CSMD3: variants seen among roughly 807,000 people sequenced by gnomAD.
CSMD3 encodes the protein CUB and sushi domain-containing protein 3.
A neutral mutation model predicts 435.2 loss-of-function variants in CSMD3; 177 were observed. The observed-to-expected ratio is 0.41, with a 90% CI of 0.36 to 0.46. The LOEUF (loss-of-function observed/expected upper bound fraction) is 0.46. Among genes scored for constraint, CSMD3 ranks in the 20% least tolerant of loss-of-function variants. CSMD3 has a pLI of 0.34. For synonymous variants in CSMD3, 1,656 were observed against 1,520.5 expected (o/e 1.09, Z -2.07); for missense variants, 4,265 against 4,504.6 (o/e 0.95, Z 1.52).
intron 6 of CSMD3, among the ~76,000 whole-genome samples, chr8:112,984,164 T>G (rs1447877884): frequency 6.6e-6 from 1 of 151,866 alleles, no homozygotes; most frequent in Non-Finnish European, 1.5e-5. Context: ...ATATTATATA[T>G]GGGGTATTAC....
chr8:112,358,703 C>G (rs1053851461), intron 38 of CSMD3, among the ~76,000 whole-genome samples: 1 of 152,156 alleles, frequency 6.6e-6, no homozygotes, highest in African/African-American at 2.4e-5. Flanking sequence ...TGAGGCTTCA[C>G]CAGCCCTGTG....
chr8:112,310,272 T>C (rs1299359872), intron 50 of CSMD3: 1 of 152,298 alleles, frequency 6.6e-6, no homozygotes, highest in Non-Finnish European at 1.5e-5. Context: ...CAAGCTGGAG[T>C]GCAGTGTTGC....
At chr8:112,854,805 G>A (rs1209898936) in intron 11 of CSMD3, among the ~76,000 whole-genome samples, 1 of 152,010 alleles carries the variant, frequency 6.6e-6, no homozygotes, top group African/African-American at 2.4e-5. Flanking sequence ...TGAAGTCCTA[G>A]CAAAAACTTC....
intron 32 of CSMD3, among the ~76,000 whole-genome samples, chr8:112,470,442 A>T (rs759780007): frequency 7.2e-5 from 11 of 152,274 alleles, no homozygotes; most frequent in Non-Finnish European, 1.3e-4. Flanking sequence ...TTATAAAATA[A>T]CCACATAAGG....
intron 6 of CSMD3, among the ~76,000 whole-genome samples, chr8:112,987,564 A>T (rs2085299936): frequency 6.6e-6 from 1 of 152,142 alleles, no homozygotes; most frequent in African/African-American, 2.4e-5. Flanking sequence ...TTCAAAACAT[A>T]CACTGAGTCA....
chr8:112,981,080 G>T (rs1188813346), intron 6 of CSMD3, among the ~76,000 whole-genome samples: 1 of 151,358 alleles, frequency 6.6e-6, no homozygotes, highest in South Asian at 2.1e-4. Context: ...TATCTACATT[G>T]ATCTTATAAA....
Position 112,273,216 on chromosome 8 carries a change from G to A in CSMD3, c.9509-7626C>T, listed in dbSNP as rs114339124. 6.9e-3 allele frequency among the ~76,000 whole-genome samples: 1,052 copies of A among 151,830 alleles called. 10 individuals carry two copies. The highest frequency in any genetic ancestry group is 0.024 in the African/African-American group (1,008 of 41,390). ...TATTTATTTTTATTTCACTAAAATT[G>A]GAAGACAGCTGTAAATAAAAGATTG... On this transcript the variant is annotated intron_variant, in intron 59 of 70. Transcript: ENST00000297405.
intron 32 of CSMD3, among the ~76,000 whole-genome samples, chr8:112,416,413 C>T (rs1352612433): frequency 1.3e-5 from 2 of 152,126 alleles, no homozygotes; most frequent in East Asian, 1.9e-4. Context: ...AACCTCTTTC[C>T]TTTATAAATT....
chr8:112,589,890 T>C (rs1831035060), intron 22 of CSMD3, among the ~76,000 whole-genome samples: 1 of 152,146 alleles, frequency 6.6e-6, no homozygotes, highest in Non-Finnish European at 1.5e-5. Flanking sequence ...AGTATACCGC[T>C]ATCACTGAAC....
chr8:112,432,456 A>T (rs1228453780), intron 32 of CSMD3, among the ~76,000 whole-genome samples: 1 of 152,090 alleles, frequency 6.6e-6, no homozygotes, highest in Admixed American at 6.6e-5. Context: ...GGTGTGAGCC[A>T]CCACACACAA....
intron 6 of CSMD3, among the ~76,000 whole-genome samples, chr8:113,000,765 T>C (rs555739279): frequency 1.3e-5 from 2 of 152,038 alleles, no homozygotes; most frequent in African/African-American, 2.4e-5. Context: ...ATTTAAATGC[T>C]ATCTTTCTGG....
intron 27 of CSMD3, among the ~76,000 whole-genome samples, chr8:112,533,796 T>G (rs1825776463): frequency 6.6e-6 from 1 of 152,160 alleles, no homozygotes; most frequent in South Asian, 2.1e-4. Flanking sequence ...CAAAAGATTG[T>G]ATCCAGCTGC....
chr8:112,819,641 A>G lies in CSMD3; in HGVS notation c.1859+10045T>C, dbSNP rs941005805. 1.7e-4 allele frequency among the ~76,000 whole-genome samples: 26 copies of G among 152,220 alleles called. 1 individual carries two copies. Among genetic ancestry groups the G allele is most frequent in the Admixed American group, 1.0e-3 (16 of 15,268 alleles). On this transcript the variant is annotated intron_variant, in intron 12 of 70. Coordinates refer to ENST00000297405, the MANE Select transcript of CSMD3 (RefSeq NM_198123.2). ...AAGAGAGTTACATTTTCAGAGAAGT[A>G]TAATTTTGTTTCTGAGGGAGAACAG...
chr8:113,230,307 A>G (rs2093071075), intron 3 of CSMD3, among the ~76,000 whole-genome samples: 1 of 151,652 alleles, frequency 6.6e-6, no homozygotes, highest in South Asian at 2.1e-4. Flanking sequence ...TTTTCCTTGT[A>G]GAATTATGGG....
At chr8:113,270,985 T>A (rs1214405524) in intron 3 of CSMD3, among the ~76,000 whole-genome samples, 9 of 148,214 alleles carry the variant, frequency 6.1e-5, no homozygotes, top group Admixed American at 6.7e-5. Flanking sequence ...TCAAAAAGCA[T>A]AAAAAAAAAA....
At position 112,701,649 on chromosome 8, in the gene CSMD3, T is replaced by C. The variant is rs73344632; in HGVS notation, c.1973-11599A>G. Among the ~76,000 whole-genome samples, 462 of 152,278 alleles carry C rather than the reference T, an allele frequency of 3.0e-3. 1 individual carries two copies. Among genetic ancestry groups the C allele is most frequent in the African/African-American group, 0.01 (429 of 41,568 alleles). On this transcript the variant is annotated intron_variant, in intron 13 of 70. Transcript: ENST00000297405. ...CTTTGGCCCACCAAAGTTCCACCCC[T>C]GCACACTCTGAAGGTAACTTGGGAA...
intron 4 of CSMD3, among the ~76,000 whole-genome samples, chr8:113,132,737 A>C: frequency 6.6e-6 from 1 of 152,016 alleles, no homozygotes; most frequent in East Asian, 1.9e-4. Context: ...AAGAATATGC[A>C]AGACACATTT....
chr8:112,911,638 T>C (rs1392991599), intron 10 of CSMD3, among the ~76,000 whole-genome samples: 2 of 40,452 alleles, frequency 4.9e-5, no homozygotes, highest in South Asian at 7.2e-4. Flanking sequence ...TGTGTACATA[T>C]ATATGTGTGT....
chr8:112,399,105 C>A (rs1196749646), intron 35 of CSMD3, among the ~76,000 whole-genome samples: 1 of 151,602 alleles, frequency 6.6e-6, no homozygotes, highest in East Asian at 1.9e-4. Context: ...TTAGTAGAGA[C>A]CAGGTTTCAC....
Sources: allele counts gnomAD v4.1 joint callset (sites outside exome capture counted in the v4.1 genomes callset), GRCh38; gene constraint gnomAD v4.1.1; transcripts MANE v1.5; gene names NCBI Gene and HGNC (gene_info 2026-07-23, HGNC 2026-07-21).